The following EI24 variants were observed in gnomAD, a reference collection of about 807,000 sequenced individuals.
EI24 encodes EI24 autophagy associated transmembrane protein, also known as etoposide-induced protein 2.4 homolog.
Under a neutral mutation model 48.6 loss-of-function variants are expected in EI24, and 21 were observed. The observed-to-expected ratio is 0.43, with a 90% CI of 0.31 to 0.62. EI24 has a LOEUF of 0.62. EI24 is among the 20% of genes least tolerant of loss of function. The pLI, the probability that EI24 is intolerant of heterozygous loss-of-function variation, is 0.10. For missense variants in EI24, 280 were observed against 410.5 expected, an observed-to-expected ratio of 0.68 and a Z score of 2.75; for synonymous variants, 114 against 145.5, an observed-to-expected ratio of 0.78 and a Z score of 1.56.
rs1939154048 is a variant in EI24, at chr11:125,584,472, G to A, written c.*789G>A. 1 of 152,664 alleles carries A rather than the reference G, an allele frequency of 6.6e-6. No homozygotes were observed. The highest frequency in any genetic ancestry group is 1.9e-4 in the East Asian group (1 of 5,188). The allele number at this position is 152,664 out of a possible 1,614,324, so 9.5% of individuals were successfully genotyped here. On this transcript the variant is annotated 3_prime_UTR_variant, in exon 11 of 11. Transcript: ENST00000278903. ...TCAACTCCGTTGGTGGTGGGAGGCA[G>A]CGGGCAGAAATTTACTGTTGGCCAC... is the stretch of plus-strand genomic sequence containing the variant.
In EI24 at chr11:125,575,317, A is replaced by C; in HGVS notation, c.97A>C (p.Ile33Leu). The part of the protein sequence containing the change: ...ICTISKLDAR[I>L]QQKREEQRRR... Reference sequence around the variant, plus strand: ...TACCATCTCAAAGCTAGATGCTCGAATCCAGCAAAAGAGAGAGGAGCAGCG... The same window carrying C: ...TACCATCTCAAAGCTAGATGCTCGACTCCAGCAAAAGAGAGAGGAGCAGCG... The change falls in exon 3 of 11, where the codon ATC (isoleucine) becomes CTC (leucine). Residue 33 changes from isoleucine to leucine, a missense_variant. Ile to Leu is a conservative substitution (Grantham distance 5). This residue lies in a region of EI24 where 204 missense variants were observed against 294.1 expected (regional missense o/e 0.69). Transcript: ENST00000278903. 6.4e-7 allele frequency: 1 copy of C among 1,565,276 alleles called. No individual in the cohort carries two copies. Among genetic ancestry groups the C allele is most frequent in the Non-Finnish European group, 8.7e-7 (1 of 1,155,026 alleles).
chr11:125,573,516 G>A, intron 2 of EI24: 1 of 389,188 alleles, frequency 2.6e-6, no homozygotes, highest in Non-Finnish European at 5.3e-6. Context: ...GACCAAGGAG[G>A]CAGGATTGCT....
intron 1 of EI24, among the ~76,000 whole-genome samples, chr11:125,571,869 T>C (rs529827108): frequency 8.1e-4 from 124 of 152,288 alleles, no homozygotes; most frequent in Non-Finnish European, 1.1e-3. Flanking sequence ...AGAGCGAGAC[T>C]CTGTCTCAAA....
At chr11:125,570,812 G>A (rs1368374615) in intron 1 of EI24, among the ~76,000 whole-genome samples, 1 of 152,054 alleles carries the variant, frequency 6.6e-6, no homozygotes, top group Non-Finnish European at 1.5e-5. Context: ...GAGTGGATCT[G>A]TGAGTCTTTA....
chr11:125,574,995 G>C (rs540140610), intron 2 of EI24, among the ~76,000 whole-genome samples: 1 of 152,244 alleles, frequency 6.6e-6, no homozygotes, highest in African/African-American at 2.4e-5. Flanking sequence ...GGAGGCTTAG[G>C]CAGGAGGATT....
At chr11:125,576,354 C>T in intron 4 of EI24, 39 bp downstream of exon 4, 1 of 1,583,742 alleles carries the variant, frequency 6.3e-7, no homozygotes, top group Non-Finnish European at 8.7e-7. Flanking sequence ...TAAGCATCTT[C>T]AGATTGTTGC....
intron 1 of EI24, chr11:125,570,274 G>C (rs534825957): frequency 6.6e-6 from 1 of 152,320 alleles, no homozygotes; most frequent in African/African-American, 2.4e-5. Context: ...TAACTTCTGA[G>C]ACTGGGTTCT....
chr11:125,573,533 T>C (rs1284351), intron 2 of EI24: 124,930 of 383,498 alleles, frequency 0.33, 21,191 homozygotes, highest in Middle Eastern at 0.44. Flanking sequence ...TGCTTGAGTC[T>C]GGGAGTATGA....
At chr11:125,582,486 C>T in intron 10 of EI24, 66 bp downstream of exon 10, 1 of 1,206,494 alleles carries the variant, frequency 8.3e-7, no homozygotes, top group South Asian at 1.5e-5. Context: ...CCAGTTATGT[C>T]AGTGAGGCTT....
chr11:125,581,376 G>A (rs1169566998), intron 9 of EI24, 54 bp downstream of exon 9: 3 of 1,210,582 alleles, frequency 2.5e-6, no homozygotes, highest in African/African-American at 3.0e-5. Flanking sequence ...AATTCATGAA[G>A]TCAGTGCCTT....
chr11:125,579,083 C>T lies in EI24; in HGVS notation c.561+15C>T, dbSNP rs544547775. ...TCCTCATTCAGGTGAGACTGACCTT[C>T]TGGGCATATGGGCAGCTTTATTAAA... On this transcript the variant is annotated intron_variant, in intron 7 of 10. Coordinates refer to ENST00000278903, the MANE Select transcript of EI24 (RefSeq NM_004879.5). 11 of 1,554,714 alleles carry T rather than the reference C, an allele frequency of 7.1e-6. No individual in the cohort carries two copies. In the South Asian group the frequency reaches 1.2e-4, roughly 17 times the overall value.
chr11:125,575,643 T>C (rs570240848), intron 3 of EI24, among the ~76,000 whole-genome samples: 132 of 152,344 alleles, frequency 8.7e-4, no homozygotes, highest in African/African-American at 3.1e-3. Flanking sequence ...TTTGGTTTGA[T>C]AGATACTTCT....
intron 5 of EI24, 129 bp downstream of exon 5, chr11:125,577,699 A>C (rs1269146739): frequency 1.2e-6 from 1 of 800,028 alleles, no homozygotes; most frequent in Non-Finnish European, 1.9e-6. Flanking sequence ...TTGTTGTTTT[A>C]TTCTTTTTAA....
chr11:125,573,477 C>A, intron 2 of EI24: 1 of 321,890 alleles, frequency 3.1e-6, no homozygotes. Flanking sequence ...GGGGAGGTGG[C>A]TCACAGCTGT....
chr11:125,572,663 T>G (rs987321315), intron 2 of EI24, 94 bp downstream of exon 2: 2 of 1,192,130 alleles, frequency 1.7e-6, no homozygotes, highest in Non-Finnish European at 2.4e-6. Context: ...TTTTGGAACT[T>G]TTATCATATT....
In EI24 at chr11:125,570,188, G is replaced by A. The variant is rs188859311; in HGVS notation, c.-71+615G>A. The A allele has an allele frequency of 1.2e-4, 18 of 152,318 alleles. No individual in the cohort carries two copies. The East Asian group carries it at 2.9e-3, about 24-fold the overall frequency. 9.4% of individuals were successfully genotyped at this position (152,318 alleles called of 1,614,324 possible). A position where few individuals can be genotyped will look rare whatever the true frequency, so the allele number is the denominator to read the frequency against. ...GCTTAAGTAAAAACAAGTCTCGACCGAGGTAACGTTAGAACACCGGGTTCT... is the reference window on the plus strand; with the variant it reads ...GCTTAAGTAAAAACAAGTCTCGACCAAGGTAACGTTAGAACACCGGGTTCT... On this transcript the variant is annotated intron_variant, in intron 1 of 10. Coordinates refer to ENST00000278903, the MANE Select transcript of EI24 (RefSeq NM_004879.5).
chr11:125,583,497 C>T (rs2135878416), intron 10 of EI24, 24 bp from the exon 11 acceptor site: 1 of 1,534,878 alleles, frequency 6.5e-7, no homozygotes, highest in African/African-American at 1.4e-5. Flanking sequence ...GGGGAGCTAA[C>T]AAGTTGGGTT....
Position 125,583,629 on chromosome 11 carries a change from G to A in EI24, c.969G>A (p.Lys323=), listed in dbSNP as rs1474554689. ...SALSSSTSAE[K]FPSPHPSPAK... ...TGAGCAGCTCTACTTCTGCAGAGAAGTTCCCTTCACCGCATCCGTCGCCTG... is the reference window on the plus strand; with the variant it reads ...TGAGCAGCTCTACTTCTGCAGAGAAATTCCCTTCACCGCATCCGTCGCCTG... The change falls in exon 11 of 11, where the codon AAG becomes AAA. Residue 323 remains lysine, a synonymous_variant. Transcript: ENST00000278903. 2 of 1,613,408 alleles carry A rather than the reference G, an allele frequency of 1.2e-6. No individual in the cohort carries two copies. Among genetic ancestry groups the A allele is most frequent in the Admixed American group, 1.7e-5 (1 of 59,948 alleles).
chr11:125,583,973 C>T lies in EI24; in HGVS notation c.*290C>T, dbSNP rs1417057446. On this transcript the variant is annotated 3_prime_UTR_variant, in exon 11 of 11. Coordinates refer to ENST00000278903, the MANE Select transcript of EI24 (RefSeq NM_004879.5). The stretch of plus-strand genomic sequence containing the variant: ...GTCCCTGTGCCTGGACTGATTGGAA[C>T]ACTTTGTTTTTCTCCCTGTGCCATT... The T allele has an allele frequency of 1.4e-5, 5 of 362,940 alleles. No homozygotes were observed. Among genetic ancestry groups the T allele is most frequent in the South Asian group, 6.2e-5 (2 of 32,038 alleles). 22.5% of individuals were successfully genotyped at this position (362,940 alleles called of 1,614,324 possible).
Sources: allele counts gnomAD v4.1 joint callset (sites outside exome capture counted in the v4.1 genomes callset), GRCh38; gene constraint gnomAD v4.1.1; regional missense constraint gnomAD v4.1.1; transcripts MANE v1.5; gene names NCBI Gene and HGNC (gene_info 2026-07-23, HGNC 2026-07-21).